Variants in PRKN observed in about 807,000 individuals in gnomAD.
The protein encoded by PRKN is E3 ubiquitin-protein ligase parkin.
Under a neutral mutation model 59.5 loss-of-function variants are expected in PRKN, and 56 were observed. That is an observed-to-expected ratio of 0.94 (90% CI 0.76 to 1.18). The LOEUF (loss-of-function observed/expected upper bound fraction) is 1.18, where lower values mean the gene tolerates loss of function less well. PRKN is among the 50% of genes most tolerant of loss of function. The probability of loss-of-function intolerance (pLI) is 0.00; values close to 1 mark genes in which losing one functional copy is unlikely to be tolerated. For synonymous variants in PRKN, 250 were observed against 222.1 expected (o/e 1.13, Z -1.12); for missense variants, 657 against 596.4 (o/e 1.10, Z -1.06).
chr6:161,846,117 G>C (rs961247792), intron 6 of PRKN, among the ~76,000 whole-genome samples: 6 of 152,116 alleles, frequency 3.9e-5, no homozygotes, highest in Non-Finnish European at 8.8e-5. Flanking sequence ...ACATGAGGGA[G>C]GACTTATCCC....
At chr6:161,501,634 T>A (rs992322259) in intron 9 of PRKN, among the ~76,000 whole-genome samples, 1 of 152,292 alleles carries the variant, frequency 6.6e-6, no homozygotes, top group East Asian at 1.9e-4. Context: ...CCAGCCCAGA[T>A]GTTCAAGTGG....
chr6:162,697,926 A>G (rs973476005), intron 1 of PRKN, among the ~76,000 whole-genome samples: 2 of 152,216 alleles, frequency 1.3e-5, no homozygotes, highest in South Asian at 2.1e-4. Context: ...GAAGAAGTGA[A>G]GTCCTATCTA....
In PRKN at chr6:161,378,181, C is replaced by T. The variant is rs560575373; in HGVS notation, c.1167+8613G>A. 6.6e-6 allele frequency among the ~76,000 whole-genome samples: 1 copy of T among 152,210 alleles called. No individual in the cohort carries two copies. Among genetic ancestry groups the T allele is most frequent in the East Asian group, 1.9e-4 (1 of 5,164 alleles). On this transcript the variant is annotated intron_variant, in intron 10 of 11. Transcript: ENST00000366898. This position sits in a 1 kb window ranked among gnomAD's most constrained non-coding sequence, Gnocchi z 7.3. ...ACCCATGGGAGGGGCAGGACATGTCCGCATGTTTGCACAGCATGGCAGAGC... is the reference window on the plus strand; with the variant it reads ...ACCCATGGGAGGGGCAGGACATGTCTGCATGTTTGCACAGCATGGCAGAGC...
chr6:161,823,348 A>G (rs1461613203), intron 6 of PRKN, among the ~76,000 whole-genome samples: 1 of 152,160 alleles, frequency 6.6e-6, no homozygotes, highest in Non-Finnish European at 1.5e-5. Flanking sequence ...TTCATAAATT[A>G]GCTTAATAAT....
intron 1 of PRKN, among the ~76,000 whole-genome samples, chr6:162,539,988 T>C (rs1778864119): frequency 1.3e-5 from 2 of 152,146 alleles, no homozygotes; most frequent in African/African-American, 4.8e-5. Context: ...AATGGCCTGA[T>C]CTCAGCTCAC....
intron 7 of PRKN, among the ~76,000 whole-genome samples, chr6:161,583,723 A>G (rs1252943240): frequency 6.6e-6 from 1 of 152,168 alleles, no homozygotes; most frequent in East Asian, 1.9e-4. Context: ...ACTATGCATG[A>G]CATTCTGTAA....
At chr6:161,521,502 T>C (rs1380294895) in intron 9 of PRKN, among the ~76,000 whole-genome samples, 1 of 152,218 alleles carries the variant, frequency 6.6e-6, no homozygotes, top group Admixed American at 6.5e-5. Context: ...ATTAAACATG[T>C]CATTTTCATA....
At chr6:162,103,203 GA>G (rs1195169284) in intron 4 of PRKN, among the ~76,000 whole-genome samples, 1 of 150,952 alleles carries the variant, frequency 6.6e-6, no homozygotes, top group Non-Finnish European at 1.5e-5. Context: ...TTAAAAAAAA[GA>G]AAAAGAAAAA....
At chr6:162,579,595 GCA>G (rs149450675) in intron 1 of PRKN, among the ~76,000 whole-genome samples, 15,635 of 151,476 alleles carry the variant, frequency 0.1, 946 homozygotes, top group Middle Eastern at 0.19. Flanking sequence ...GTTCACACGT[GCA>G]CAGATTCACA....
chr6:161,601,584 G>T (rs1782104088), intron 7 of PRKN, among the ~76,000 whole-genome samples: 1 of 147,790 alleles, frequency 6.8e-6, no homozygotes, highest in African/African-American at 2.4e-5. Flanking sequence ...TAATATAGTG[G>T]ATTTTTTTTT....
At chr6:161,971,738 A>G (rs1021524700) in intron 6 of PRKN, among the ~76,000 whole-genome samples, 1 of 152,208 alleles carries the variant, frequency 6.6e-6, no homozygotes, top group African/African-American at 2.4e-5. Context: ...TTGGGCTTCT[A>G]TTAATCAACA....
At chr6:161,743,380 C>CT (rs1788277160) in intron 7 of PRKN, among the ~76,000 whole-genome samples, 1 of 117,986 alleles carries the variant, frequency 8.5e-6, no homozygotes, top group African/African-American at 3.2e-5. Context: ...CCACCACATC[C>CT]AGCTTTTTTA....
intron 3 of PRKN, among the ~76,000 whole-genome samples, chr6:162,230,756 T>G (rs2128085783): frequency 6.6e-6 from 1 of 152,308 alleles, no homozygotes; most frequent in Non-Finnish European, 1.5e-5. Flanking sequence ...TACAAGAAAC[T>G]CTGTTAATTG....
intron 7 of PRKN, among the ~76,000 whole-genome samples, chr6:161,685,332 G>C (rs537335409): frequency 2.0e-5 from 3 of 152,122 alleles, no homozygotes; most frequent in African/African-American, 7.2e-5. Context: ...GAGACCCATC[G>C]CATGATTTCT....
At chr6:162,611,940 C>T (rs905209074) in intron 1 of PRKN, among the ~76,000 whole-genome samples, 5 of 151,656 alleles carry the variant, frequency 3.3e-5, no homozygotes, top group Non-Finnish European at 5.9e-5. Flanking sequence ...AATCCCAGCA[C>T]TTTGGGAGGC....
In PRKN at chr6:161,556,859, T is replaced by C. The variant is rs1359087230; in HGVS notation, c.934-7856A>G. The stretch of plus-strand genomic sequence containing the variant: ...AAAAATCACTCATGCATGTTTTGTC[T>C]ATGGAATGCACAGTGAGCATCTGTG... On this transcript the variant is annotated intron_variant, in intron 8 of 11. Transcript: ENST00000366898. Among the ~76,000 whole-genome samples the C allele has an allele frequency of 2.6e-5, 4 of 152,302 alleles. No individual in the cohort carries two copies. The South Asian group carries it at 8.3e-4, about 32-fold the overall frequency.
chr6:161,835,843 G>A (rs1792731285), intron 6 of PRKN, among the ~76,000 whole-genome samples: 1 of 152,192 alleles, frequency 6.6e-6, no homozygotes, highest in African/African-American at 2.4e-5. Context: ...GCTAACTGGT[G>A]GTGGAAGTGT....
At chr6:161,797,292 C>CGA (rs1790891276) in intron 6 of PRKN, among the ~76,000 whole-genome samples, 1 of 152,100 alleles carries the variant, frequency 6.6e-6, no homozygotes, top group African/African-American at 2.4e-5. Flanking sequence ...CACTCGGTCA[C>CGA]CCAGGCTGGA....
intron 6 of PRKN, among the ~76,000 whole-genome samples, chr6:161,804,038 C>A (rs2128211439): frequency 6.6e-6 from 1 of 152,340 alleles, no homozygotes; most frequent in Non-Finnish European, 1.5e-5. Flanking sequence ...TGACCTGCAG[C>A]TGCCACAGCA....
Sources: allele counts gnomAD v4.1 joint callset (sites outside exome capture counted in the v4.1 genomes callset), GRCh38; gene constraint gnomAD v4.1.1; non-coding constraint Gnocchi (gnomAD v3.1); transcripts MANE v1.5; gene names NCBI Gene and HGNC (gene_info 2026-07-23, HGNC 2026-07-21).